The following MCTP2 variants were observed in gnomAD, a reference collection of about 807,000 sequenced individuals.
MCTP2 encodes the protein multiple C2 and transmembrane domain containing 2.
In MCTP2, 132 loss-of-function variants were observed where a neutral mutation model predicts 111.6. The observed-to-expected ratio is 1.18, with a 90% CI of 1.03 to 1.37. The LOEUF is 1.37. Among genes scored for constraint, MCTP2 ranks in the 40% most tolerant of loss-of-function variants. MCTP2 has a pLI of 0.00. For synonymous variants in MCTP2, 395 were observed against 387.7 expected, an observed-to-expected ratio of 1.02 and a Z score of -0.22; for missense variants, 1,183 against 1,067.9, an observed-to-expected ratio of 1.11 and a Z score of -1.50.
At chr15:94,303,214 A>T (rs118184716) in intron 2 of MCTP2, among the ~76,000 whole-genome samples, 3 of 126,298 alleles carry the variant, frequency 2.4e-5, no homozygotes, top group Non-Finnish European at 5.4e-5. Flanking sequence ...ATTATCTCAC[A>T]TGATCACACG....
chr15:94,402,558 G>T (rs1489700607), intron 17 of MCTP2: 2 of 1,551,626 alleles, frequency 1.3e-6, no homozygotes, highest in Non-Finnish European at 1.7e-6. Context: ...ATCCTTATGA[G>T]CATAATAAAA....
intron 17 of MCTP2, among the ~76,000 whole-genome samples, chr15:94,432,208 G>C (rs1296924490): frequency 6.6e-6 from 1 of 152,142 alleles, no homozygotes; most frequent in Admixed American, 6.5e-5. Context: ...GAAGGTGGAT[G>C]TTGGGCCTAT....
At chr15:94,454,283 A>G (rs575657513) in intron 19 of MCTP2, among the ~76,000 whole-genome samples, 20 of 152,358 alleles carry the variant, frequency 1.3e-4, no homozygotes, top group Non-Finnish European at 2.6e-4. Flanking sequence ...CTAATAAGAT[A>G]TTCCTCCAAA....
chr15:94,300,587 G>A (rs2075563690), intron 2 of MCTP2, among the ~76,000 whole-genome samples: 1 of 152,006 alleles, frequency 6.6e-6, no homozygotes, highest in Admixed American at 6.6e-5. Flanking sequence ...GCCAGGCAGT[G>A]TGAAAGTTGC....
intron 20 of MCTP2, among the ~76,000 whole-genome samples, chr15:94,461,614 G>T (rs940763953): frequency 6.6e-6 from 1 of 152,154 alleles, no homozygotes; most frequent in African/African-American, 2.4e-5. Flanking sequence ...CTCCACAGAG[G>T]AGATACTGAG....
At chr15:94,305,762 G>A (rs1260813301) in intron 2 of MCTP2, among the ~76,000 whole-genome samples, 1 of 152,168 alleles carries the variant, frequency 6.6e-6, no homozygotes, top group Non-Finnish European at 1.5e-5. Flanking sequence ...GGTGATACAT[G>A]GAGGCGCTAC....
intron 8 of MCTP2, among the ~76,000 whole-genome samples, chr15:94,349,768 C>G (rs1287648963): frequency 6.9e-6 from 1 of 144,222 alleles, no homozygotes; most frequent in South Asian, 2.2e-4. Flanking sequence ...TGCAGTGAGC[C>G]GAGATCGCAG....
intron 1 of MCTP2, among the ~76,000 whole-genome samples, chr15:94,247,473 A>G (rs181806733): frequency 1.3e-3 from 200 of 152,230 alleles, no homozygotes; most frequent in Middle Eastern, 0.01. Context: ...GTCTGAGATC[A>G]CTTATGTGGG....
At chr15:94,249,248 T>C (rs1010280088) in intron 1 of MCTP2, among the ~76,000 whole-genome samples, 1 of 152,238 alleles carries the variant, frequency 6.6e-6, no homozygotes, top group Non-Finnish European at 1.5e-5. Flanking sequence ...ATGTGGACTT[T>C]CCTGTATTGG....
At chr15:94,351,953 G>A (rs539484333) in intron 8 of MCTP2, among the ~76,000 whole-genome samples, 2 of 152,214 alleles carry the variant, frequency 1.3e-5, no homozygotes, top group African/African-American at 2.4e-5. Flanking sequence ...ACCTGGCCTC[G>A]GACAGATAAG....
intron 1 of MCTP2, among the ~76,000 whole-genome samples, chr15:94,239,370 G>A (rs529284225): frequency 6.6e-6 from 1 of 152,324 alleles, no homozygotes; most frequent in African/African-American, 2.4e-5. Context: ...GGGCTCAGGA[G>A]TGCTGCAGGC....
At chr15:94,276,835 A>T in intron 1 of MCTP2, among the ~76,000 whole-genome samples, 1 of 107,972 alleles carries the variant, frequency 9.3e-6, no homozygotes, top group Non-Finnish European at 1.9e-5. Flanking sequence ...GCTGTTAGTA[A>T]ACTAACCCAA....
intron 1 of MCTP2, among the ~76,000 whole-genome samples, chr15:94,279,059 T>TG (rs1465589401): frequency 6.6e-6 from 1 of 152,178 alleles, no homozygotes; most frequent in African/African-American, 2.4e-5. Flanking sequence ...GTGATACCTC[T>TG]GGCTTTGTTC....
At chr15:94,294,227 G>A (rs939647276) in intron 1 of MCTP2, among the ~76,000 whole-genome samples, 3 of 152,220 alleles carry the variant, frequency 2.0e-5, no homozygotes, top group Non-Finnish European at 2.9e-5. Flanking sequence ...CTGGGAGCGC[G>A]TGATCCTTTG....
chr15:94,236,866 T>G (rs1045852299), intron 1 of MCTP2, among the ~76,000 whole-genome samples: 1 of 152,004 alleles, frequency 6.6e-6, no homozygotes, highest in Non-Finnish European at 1.5e-5. Flanking sequence ...TTATTGGGCT[T>G]GATTAAGGCC....
chr15:94,465,105 T>G (rs771059694), intron 20 of MCTP2, among the ~76,000 whole-genome samples: 7 of 152,150 alleles, frequency 4.6e-5, no homozygotes, highest in Non-Finnish European at 8.8e-5. Flanking sequence ...GTTTTTGCTT[T>G]CTATATTTTG....
intron 7 of MCTP2, chr15:94,342,254 T>C (rs1288610297): frequency 6.6e-6 from 1 of 152,218 alleles, no homozygotes; most frequent in African/African-American, 2.4e-5. Context: ...ACTTAAAAGA[T>C]ATTTAATATT....
At chr15:94,464,567 C>T (rs1257556747) in intron 20 of MCTP2, among the ~76,000 whole-genome samples, 1 of 151,556 alleles carries the variant, frequency 6.6e-6, no homozygotes, top group Non-Finnish European at 1.5e-5. Flanking sequence ...AGTTACTACT[C>T]GTATATTTTT....
intron 2 of MCTP2, among the ~76,000 whole-genome samples, chr15:94,301,725 AAAT>A (rs2075622725): frequency 1.3e-5 from 2 of 152,190 alleles, no homozygotes; most frequent in African/African-American, 4.8e-5. Context: ...GTTTTTGAAA[AAAT>A]ACTCAATTTT....
Sources: gnomAD v4.1 joint callset for allele counts (sites outside exome capture counted in the v4.1 genomes callset) on GRCh38, gnomAD v4.1.1 for gene constraint, MANE v1.5 for transcripts, NCBI Gene and HGNC (gene_info 2026-07-23, HGNC 2026-07-21) for gene names.